PPFIBP2: variants seen among roughly 807,000 people sequenced by gnomAD.
PPFIBP2 encodes PPFIB scaffold protein 2.
A neutral mutation model predicts 118.3 loss-of-function variants in PPFIBP2; 118 were observed. The observed-to-expected ratio is 1.00, with a 90% CI of 0.86 to 1.16. PPFIBP2 has a LOEUF of 1.16. Among genes scored for constraint, PPFIBP2 ranks in the 50% most tolerant of loss-of-function variants. The pLI is 0.00. For missense variants in PPFIBP2, 1,195 were observed against 1,073.1 expected, an observed-to-expected ratio of 1.11 and a Z score of -1.59; for synonymous variants, 414 against 397.4, an observed-to-expected ratio of 1.04 and a Z score of -0.50.
At chr11:7,584,481 ATTTC>A (rs1388766312) in intron 3 of PPFIBP2, among the ~76,000 whole-genome samples, 1 of 152,148 alleles carries the variant, frequency 6.6e-6, no homozygotes, top group Non-Finnish European at 1.5e-5. Context: ...TTTGGAAGAA[ATTTC>A]TTTAACACTG....
At chr11:7,586,164 C>T (rs190994443) in intron 3 of PPFIBP2, among the ~76,000 whole-genome samples, 1 of 152,220 alleles carries the variant, frequency 6.6e-6, no homozygotes, top group East Asian at 1.9e-4. Context: ...TTTGTTTTTT[C>T]ATTTCAAGCC....
At chr11:7,621,327 G>T (rs1047366598) in intron 7 of PPFIBP2, among the ~76,000 whole-genome samples, 5 of 152,200 alleles carry the variant, frequency 3.3e-5, no homozygotes, top group African/African-American at 1.2e-4. Context: ...GGGGAGAGCA[G>T]GTGAGTGGCA....
At chr11:7,664,799 C>T in the PPFIBP2 span, among the ~76,000 whole-genome samples, 1 of 151,530 alleles carries the variant, frequency 6.6e-6, no homozygotes, top group Non-Finnish European at 1.5e-5. Flanking sequence ...GTGAGGTTGG[C>T]TGTCCCTCCC....
chr11:7,649,071 T>C (rs1853574582), intron 19 of PPFIBP2, 76 bp from the exon 20 acceptor site: 1 of 1,452,938 alleles, frequency 6.9e-7, no homozygotes, highest in Non-Finnish European at 9.5e-7. Flanking sequence ...AAAATATAAT[T>C]TGCTCCCCTT....
intron 1 of PPFIBP2, among the ~76,000 whole-genome samples, chr11:7,517,891 C>G (rs577987414): frequency 2.6e-5 from 4 of 152,320 alleles, no homozygotes; most frequent in Non-Finnish European, 5.9e-5. Context: ...GGGGGCGGTC[C>G]CTGCAGGGGC....
chr11:7,631,195 C>T (rs1215440189), intron 11 of PPFIBP2, 167 bp downstream of exon 11: 4 of 610,928 alleles, frequency 6.5e-6, no homozygotes, highest in Non-Finnish European at 8.9e-6. Flanking sequence ...GAGCAAGAGG[C>T]TGAGGCTCTG....
intron 7 of PPFIBP2, 113 bp from the exon 8 acceptor site, chr11:7,625,664 C>T (rs1849899776): frequency 3.8e-6 from 3 of 793,744 alleles, no homozygotes; most frequent in East Asian, 2.5e-5. Context: ...CACCTCTTCT[C>T]CTAACTCCTG....
downstream of PPFIBP2, among the ~76,000 whole-genome samples, chr11:7,653,999 C>T (rs1357574232): frequency 6.6e-6 from 1 of 152,140 alleles, no homozygotes; most frequent in Non-Finnish European, 1.5e-5. Flanking sequence ...GAGGGGGCTT[C>T]AAGTCTCATG....
At chr11:7,589,914 A>T (rs1298112941) in intron 3 of PPFIBP2, among the ~76,000 whole-genome samples, 2 of 152,258 alleles carry the variant, frequency 1.3e-5, no homozygotes, top group Non-Finnish European at 2.9e-5. Context: ...CAAAACAGAG[A>T]TGTGTCCTAA....
chr11:7,595,535 A>G (rs554608997), intron 4 of PPFIBP2, among the ~76,000 whole-genome samples: 5 of 152,314 alleles, frequency 3.3e-5, no homozygotes, highest in African/African-American at 1.2e-4. Flanking sequence ...AATAATCCTA[A>G]CACAATTGGG....
intron 1 of PPFIBP2, among the ~76,000 whole-genome samples, chr11:7,544,032 C>T (rs1256136209): frequency 3.3e-5 from 5 of 152,124 alleles, no homozygotes; most frequent in Admixed American, 6.5e-5. Flanking sequence ...TCACTGGTAG[C>T]GAAGAGAAGG....
intron 2 of PPFIBP2, among the ~76,000 whole-genome samples, chr11:7,553,714 C>G (rs538925549): frequency 1.3e-5 from 2 of 152,092 alleles, no homozygotes; most frequent in Admixed American, 6.5e-5. Flanking sequence ...GATAAGGCAC[C>G]TAGAAAGTGC....
At chr11:7,618,892 T>G (rs559917742) in intron 6 of PPFIBP2, among the ~76,000 whole-genome samples, 126 of 151,272 alleles carry the variant, frequency 8.3e-4, no homozygotes, top group African/African-American at 2.9e-3. Context: ...GAAGTTTTTT[T>G]TTTTTTTTTT....
chr11:7,648,670 G>A (rs921912762), intron 18 of PPFIBP2, 130 bp from the exon 19 acceptor site: 26 of 1,460,696 alleles, frequency 1.8e-5, no homozygotes, highest in African/African-American at 5.6e-5. Flanking sequence ...TGTAGCTGCA[G>A]GTTGGCATCC....
chr11:7,603,080 G>A (rs1412288845), intron 5 of PPFIBP2, among the ~76,000 whole-genome samples: 1 of 152,190 alleles, frequency 6.6e-6, no homozygotes, highest in African/African-American at 2.4e-5. Flanking sequence ...GAGCCTTTAA[G>A]CAGGTATTTC....
At chr11:7,541,441 A>T (rs1303454871) in intron 1 of PPFIBP2, among the ~76,000 whole-genome samples, 1 of 152,152 alleles carries the variant, frequency 6.6e-6, no homozygotes, top group Non-Finnish European at 1.5e-5. Context: ...CTCTGGTCTT[A>T]TTCAGCAGCA....
At position 7,518,009 on chromosome 11, in the gene PPFIBP2, G is replaced by C. The variant is rs184699158; in HGVS notation, c.-37+3888G>C. Among the ~76,000 whole-genome samples, 132 of 152,360 alleles carry C rather than the reference G, an allele frequency of 8.7e-4. 1 individual carries two copies. Among genetic ancestry groups the C allele is most frequent in the African/African-American group, 3.1e-3 (130 of 41,592 alleles). ...ACCAGTGGCTTTCATTGCCGTACTTGAAACAGGCGCCAGGTGGAGGTGGAT... is the reference window on the plus strand; with the variant it reads ...ACCAGTGGCTTTCATTGCCGTACTTCAAACAGGCGCCAGGTGGAGGTGGAT... On this transcript the variant is annotated intron_variant, in intron 1 of 23. Transcript: ENST00000299492.
At position 7,648,402 on chromosome 11, in the gene PPFIBP2, C is replaced by T. The variant is rs1420953096; in HGVS notation, c.1662C>T (p.Pro554=). Residue 554 remains proline (P), a synonymous_variant, in exon 18 of 24, where the codon CCC becomes CCT. Coordinates refer to ENST00000299492, the MANE Select transcript of PPFIBP2 (RefSeq NM_003621.5). The part of the protein sequence containing the change: ...SKGQKSDANA[P]FAQWSTERVC... ...TGCTTCCCAGTGACGCCAATGCCCC[C>T]TTTGCCCAGTGGAGCACAGAGCGTG... 1.2e-6 allele frequency: 2 copies of T among 1,613,510 alleles called. No individual in the cohort carries two copies. Among genetic ancestry groups the T allele is most frequent in the Non-Finnish European group, 8.5e-7 (1 of 1,179,484 alleles).
intron 22 of PPFIBP2, 57 bp from the exon 23 acceptor site, chr11:7,651,599 C>A: frequency 6.7e-7 from 1 of 1,500,352 alleles, no homozygotes; most frequent in Non-Finnish European, 9.1e-7. Flanking sequence ...TCAGCATCCT[C>A]CCCCTCGAGC....
Sources: allele counts gnomAD v4.1 joint callset (sites outside exome capture counted in the v4.1 genomes callset), GRCh38; gene constraint gnomAD v4.1.1; transcripts MANE v1.5; gene names NCBI Gene and HGNC (gene_info 2026-07-23, HGNC 2026-07-21).